The following TRMT1L variants were observed in gnomAD, a reference collection of about 807,000 sequenced individuals.
The protein encoded by TRMT1L is tRNA methyltransferase 1L.
In TRMT1L, 28 loss-of-function variants were observed where a neutral mutation model predicts 81.6. The observed-to-expected ratio is 0.34, with a 90% CI of 0.25 to 0.47. The LOEUF (loss-of-function observed/expected upper bound fraction) is 0.47, where lower values mean the gene tolerates loss of function less well. Ranked by LOEUF, TRMT1L falls within the 20% of genes least tolerant of loss-of-function variation. The pLI, the probability that TRMT1L is intolerant of heterozygous loss-of-function variation, is 1.00. For missense variants in TRMT1L, 739 were observed against 877.1 expected (o/e 0.84, Z 1.99); for synonymous variants, 301 against 303.2 (o/e 0.99, Z 0.07).
chr1:185,128,885 T>G (rs578042000), intron 10 of TRMT1L, 138 bp from the exon 11 acceptor site: 1 of 712,816 alleles, frequency 1.4e-6, no homozygotes, highest in Non-Finnish European at 2.3e-6. Flanking sequence ...AAGTATTTTA[T>G]GTATGTATAT....
intron 9 of TRMT1L, among the ~76,000 whole-genome samples, chr1:185,138,550 T>C (rs187099841): frequency 3.8e-4 from 58 of 152,300 alleles, no homozygotes; most frequent in African/African-American, 1.3e-3. Flanking sequence ...TTATCCATTA[T>C]CTATATTCAC....
At chr1:185,130,410 G>C (rs1315275646) in intron 10 of TRMT1L, among the ~76,000 whole-genome samples, 1 of 152,154 alleles carries the variant, frequency 6.6e-6, no homozygotes, top group African/African-American at 2.4e-5. Context: ...AAAGATGAGA[G>C]ATGCCAATAA....
At chr1:185,136,157 C>G (rs1420332238) in intron 10 of TRMT1L, among the ~76,000 whole-genome samples, 2 of 152,168 alleles carry the variant, frequency 1.3e-5, no homozygotes, top group Non-Finnish European at 2.9e-5. Context: ...TGCCTGTAAT[C>G]CCAGCACTTT....
At chr1:185,151,980 C>T (rs780985764) in intron 1 of TRMT1L, 45 bp from the exon 2 acceptor site, 6 of 1,243,666 alleles carry the variant, frequency 4.8e-6, no homozygotes, top group Non-Finnish European at 6.8e-6. Context: ...AGTTTGTATT[C>T]TAGTTCCATT....
chr1:185,151,877 A>C lies in TRMT1L; in HGVS notation c.294T>G (p.Thr98=), dbSNP rs763839057. ...LADLENLAFV[T]DGNFDSASSL... is the part of the protein sequence containing the mutation. ...AGCTGGCAGAGTCAAAATTTCCATC[A>C]GTTACAAAAGCTAAATTCTCTAGAT... is the stretch of plus-strand genomic sequence containing the variant. Residue 98 remains threonine, a synonymous_variant, in exon 2 of 15, where the codon ACT becomes ACG. Transcript: ENST00000367506. 8.1e-6 allele frequency: 13 copies of C among 1,604,814 alleles called. No homozygotes were observed. Among genetic ancestry groups the C allele is most frequent in the Middle Eastern group, 1.7e-4 (1 of 6,032 alleles).
At position 185,153,480 on chromosome 1, in the gene TRMT1L, C is replaced by T. The variant is rs1243619722; in HGVS notation, c.236-1545G>A. ...GTCTATAAACGCAAAACGTTCAACA[C>T]TGAATATCACAAACAGTTGTAGAGA... On this transcript the variant is annotated intron_variant, in intron 1 of 14. Transcript: ENST00000367506. Among the ~76,000 whole-genome samples, 6 of 152,118 alleles carry T rather than the reference C, an allele frequency of 3.9e-5. No individual in the cohort carries two copies. The East Asian group carries it at 5.8e-4, about 15-fold the overall frequency.
At chr1:185,126,085 C>T (rs1324227688) in intron 11 of TRMT1L, among the ~76,000 whole-genome samples, 1 of 151,998 alleles carries the variant, frequency 6.6e-6, no homozygotes, top group Non-Finnish European at 1.5e-5. Context: ...CTGGCTCCAC[C>T]ACTTACTAGT....
rs906194759 is a variant in TRMT1L, at chr1:185,119,088, C to G, written c.*931G>C. 3 of 151,452 alleles carry G rather than the reference C, an allele frequency of 2.0e-5. No individual in the cohort carries two copies. Among genetic ancestry groups the G allele is most frequent in the African/African-American group, 7.3e-5 (3 of 41,208 alleles). The allele number at this position is 151,452 out of a possible 1,614,324, so 9.4% of individuals were successfully genotyped here. A position where few individuals can be genotyped will look rare whatever the true frequency, so the allele number is the denominator to read the frequency against. ...ATTTTTATAGTTACATCAGCCTGGG[C>G]TAATTATACAGAAAATTTATACAAA... On this transcript the variant is annotated 3_prime_UTR_variant, in exon 15 of 15. Coordinates refer to ENST00000367506, the MANE Select transcript of TRMT1L (RefSeq NM_030934.5).
chr1:185,138,446 C>T (rs1280911745), intron 9 of TRMT1L, among the ~76,000 whole-genome samples: 3 of 152,072 alleles, frequency 2.0e-5, no homozygotes, highest in Non-Finnish European at 4.4e-5. Flanking sequence ...CCCTGAAGGT[C>T]TATGAAGTCT....
intron 10 of TRMT1L, 194 bp downstream of exon 10, chr1:185,137,412 A>T: frequency 1.4e-6 from 1 of 702,092 alleles, no homozygotes; most frequent in Non-Finnish European, 2.6e-6. Flanking sequence ...TATATTGTAC[A>T]GCATGAGTAA....
At chr1:185,144,261 A>G (rs565007074) in intron 5 of TRMT1L, among the ~76,000 whole-genome samples, 2 of 152,162 alleles carry the variant, frequency 1.3e-5, no homozygotes, top group South Asian at 2.1e-4. Context: ...TCAGTTAAAC[A>G]TCTGATTAAT....
chr1:185,132,634 T>G (rs183772187), intron 10 of TRMT1L, among the ~76,000 whole-genome samples: 1 of 152,088 alleles, frequency 6.6e-6, no homozygotes, highest in East Asian at 1.9e-4. Context: ...TATCTCAAAA[T>G]TATTTTAGAA....
In TRMT1L at chr1:185,143,339, A is replaced by G. The variant is rs376538608; in HGVS notation, c.859+18T>C. 1 of 1,582,356 alleles carries G rather than the reference A, an allele frequency of 6.3e-7. No homozygotes were observed. The highest frequency in any genetic ancestry group is 1.4e-5 in the African/African-American group (1 of 73,216). ...TTGAATAAATAAAATGGGGTTCCAA[A>G]AAAGTGTCCTCACTTACCAGTGGCT... is the stretch of plus-strand genomic sequence containing the variant. On this transcript the variant is annotated intron_variant, in intron 7 of 14. Coordinates refer to ENST00000367506, the MANE Select transcript of TRMT1L (RefSeq NM_030934.5).
intron 11 of TRMT1L, 86 bp downstream of exon 11, chr1:185,128,583 T>A: frequency 5.6e-6 from 7 of 1,256,904 alleles, no homozygotes; most frequent in Non-Finnish European, 8.1e-6. Flanking sequence ...TTTAAATTTG[T>A]CTTTTACCAC....
chr1:185,139,313 T>A (rs572039905), intron 9 of TRMT1L, 54 bp downstream of exon 9: 84 of 1,426,282 alleles, frequency 5.9e-5, no homozygotes, highest in Non-Finnish European at 7.8e-5. Context: ...TGTAATATTA[T>A]CTCTTTTTAT....
intron 10 of TRMT1L, among the ~76,000 whole-genome samples, chr1:185,129,786 C>CT (rs1279637312): frequency 1.3e-5 from 2 of 152,188 alleles, no homozygotes; most frequent in African/African-American, 4.8e-5. Flanking sequence ...CCTAGGTCTA[C>CT]TTTTCAGTAT....
Position 185,119,903 on chromosome 1 carries a change from A to T in TRMT1L, c.*116T>A. ...ACTGCTCAGTTTCTGAATGAAAATGACACTGTTTTTTATTTTTACTCTACT... is the reference window on the plus strand; with the variant it reads ...ACTGCTCAGTTTCTGAATGAAAATGTCACTGTTTTTTATTTTTACTCTACT... On this transcript the variant is annotated 3_prime_UTR_variant, in exon 15 of 15. Transcript: ENST00000367506. The T allele has an allele frequency of 8.2e-7, 1 of 1,220,962 alleles. No homozygotes were observed. Among genetic ancestry groups the T allele is most frequent in the African/African-American group, 1.5e-5 (1 of 66,458 alleles). The allele number at this position is 1,220,962 out of a possible 1,614,324, so 75.6% of individuals were successfully genotyped here. A position where few individuals can be genotyped will look rare whatever the true frequency, so the allele number is the denominator to read the frequency against.
chr1:185,140,260 T>C (rs963144997), intron 7 of TRMT1L, 38 bp from the exon 8 acceptor site: 2 of 1,472,254 alleles, frequency 1.4e-6, no homozygotes, highest in African/African-American at 1.4e-5. Context: ...TTTATAATTG[T>C]AATAATTTTA....
rs764680539 is a variant in TRMT1L, at chr1:185,120,275, C to T, written c.1950-4G>A. 2 of 1,525,484 alleles carry T rather than the reference C, an allele frequency of 1.3e-6. No homozygotes were observed. The allele number at this position is 1,525,484 out of a possible 1,614,324, so 94.5% of individuals were successfully genotyped here. A position where few individuals can be genotyped will look rare whatever the true frequency, so the allele number is the denominator to read the frequency against. On this transcript the variant is annotated splice_polypyrimidine_tract_variant and splice_region_variant and intron_variant, in intron 14 of 14. Coordinates refer to ENST00000367506, the MANE Select transcript of TRMT1L (RefSeq NM_030934.5). ...ATAGCACAAAAACTTTTTTAACCTG[C>T]AAAAAGGAAAGGAAAGAAAAAATAA... is the stretch of plus-strand genomic sequence containing the variant.
Sources: gnomAD v4.1 joint callset for allele counts (sites outside exome capture counted in the v4.1 genomes callset) on GRCh38, gnomAD v4.1.1 for gene constraint, MANE v1.5 for transcripts, NCBI Gene and HGNC (gene_info 2026-07-23, HGNC 2026-07-21) for gene names.